IQGAP1: variants seen among roughly 807,000 people sequenced by gnomAD.
The protein encoded by IQGAP1 is ras GTPase-activating-like protein IQGAP1.
IQGAP1 carries 66 observed loss-of-function variants against 215.6 expected under a neutral mutation model. The observed-to-expected ratio is 0.31, with a 90% CI of 0.25 to 0.38. The LOEUF (loss-of-function observed/expected upper bound fraction) is 0.38, where lower values mean the gene tolerates loss of function less well. IQGAP1 is among the 10% of genes least tolerant of loss of function. IQGAP1 has a pLI of 1.00. For missense variants in IQGAP1, 1,712 were observed against 1,997.1 expected (o/e 0.86, Z 2.72); for synonymous variants, 772 against 728.7 (o/e 1.06, Z -0.96).
chr15:90,470,802 T>C (rs957193902), intron 18 of IQGAP1, among the ~76,000 whole-genome samples: 2 of 152,200 alleles, frequency 1.3e-5, no homozygotes, highest in African/African-American at 2.4e-5. Context: ...CTCATCATAT[T>C]TGACTTGTCA....
chr15:90,490,165 A>G (rs1462253103), intron 33 of IQGAP1, among the ~76,000 whole-genome samples: 2 of 152,242 alleles, frequency 1.3e-5, no homozygotes, highest in African/African-American at 2.4e-5. Flanking sequence ...AACAGCTCAG[A>G]ATATGGCACC....
intron 37 of IQGAP1, among the ~76,000 whole-genome samples, chr15:90,498,930 C>T (rs1966307811): frequency 6.6e-6 from 1 of 152,174 alleles, no homozygotes; most frequent in Non-Finnish European, 1.5e-5. Context: ...CTGCCTCAGC[C>T]TCCTGAGTAG....
At chr15:90,444,495 G>T (rs527471316) in intron 9 of IQGAP1, among the ~76,000 whole-genome samples, 2 of 152,084 alleles carry the variant, frequency 1.3e-5, no homozygotes, top group Non-Finnish European at 2.9e-5. Context: ...TGTTGCCCAG[G>T]TTGGTGTCAA....
chr15:90,418,378 G>A (rs770167295), intron 2 of IQGAP1, among the ~76,000 whole-genome samples: 9 of 152,106 alleles, frequency 5.9e-5, no homozygotes, highest in Non-Finnish European at 1.3e-4. Flanking sequence ...CTTGAGCCCA[G>A]GAGTTGGAGA....
chr15:90,392,639 A>G (rs1440045588), intron 2 of IQGAP1, among the ~76,000 whole-genome samples: 2 of 152,270 alleles, frequency 1.3e-5, no homozygotes, highest in Admixed American at 6.5e-5. Context: ...AAACACTACC[A>G]ATAACTAGTT....
At chr15:90,463,330 C>T (rs1046926977) in intron 15 of IQGAP1, among the ~76,000 whole-genome samples, 1 of 152,224 alleles carries the variant, frequency 6.6e-6, no homozygotes. Flanking sequence ...ACTTTGCTTA[C>T]AGCAGATTCT....
intron 2 of IQGAP1, among the ~76,000 whole-genome samples, chr15:90,402,504 C>A (rs769904148): frequency 6.6e-6 from 1 of 152,166 alleles, no homozygotes; most frequent in Non-Finnish European, 1.5e-5. Context: ...CAGCTGCCAG[C>A]CTAGGGCTTG....
intron 5 of IQGAP1, among the ~76,000 whole-genome samples, chr15:90,434,083 C>T (rs1006734285): frequency 2.6e-5 from 4 of 151,984 alleles, no homozygotes; most frequent in African/African-American, 7.3e-5. Context: ...ACTTGGGGTG[C>T]AGTCTCTTGT....
intron 2 of IQGAP1, among the ~76,000 whole-genome samples, chr15:90,414,801 C>T (rs1351316623): frequency 1.2e-4 from 19 of 152,126 alleles, no homozygotes; most frequent in Admixed American, 1.2e-3. Context: ...CAACTGCCTA[C>T]AAGATGCCAC....
At chr15:90,443,724 C>G (rs1292374052) in intron 9 of IQGAP1, among the ~76,000 whole-genome samples, 1 of 152,172 alleles carries the variant, frequency 6.6e-6, no homozygotes, top group Non-Finnish European at 1.5e-5. Context: ...TACAGTTTCA[C>G]TCTTTCACCC....
At chr15:90,462,245 G>A (rs150141407) in intron 15 of IQGAP1, among the ~76,000 whole-genome samples, 4 of 152,216 alleles carry the variant, frequency 2.6e-5, no homozygotes, top group African/African-American at 7.2e-5. Flanking sequence ...TTATATACAT[G>A]TAGCTAGTAA....
chr15:90,448,765 G>T, intron 10 of IQGAP1, 29 bp downstream of exon 10: 1 of 1,500,916 alleles, frequency 6.7e-7, no homozygotes, highest in South Asian at 1.3e-5. Context: ...GAAGCTGCAA[G>T]AGTTTGTATA....
At chr15:90,420,061 G>GT (rs1225878652) in intron 2 of IQGAP1, among the ~76,000 whole-genome samples, 2 of 152,068 alleles carry the variant, frequency 1.3e-5, no homozygotes, top group African/African-American at 4.8e-5. Flanking sequence ...TTATTATTCT[G>GT]TTTTTATGAC....
chr15:90,429,549 A>G lies in IQGAP1; in HGVS notation c.313-40A>G, dbSNP rs1302222487. The G allele has an allele frequency of 2.1e-6, 3 of 1,414,916 alleles. No homozygotes were observed. The African/African-American group carries it at 4.4e-5, about 21-fold the overall frequency. 87.6% of individuals were successfully genotyped at this position (1,414,916 alleles called of 1,614,324 possible). A position where few individuals can be genotyped will look rare whatever the true frequency, so the allele number is the denominator to read the frequency against. On this transcript the variant is annotated intron_variant, in intron 3 of 37. Coordinates refer to ENST00000268182, the MANE Select transcript of IQGAP1 (RefSeq NM_003870.4). ...AGAGTTTTTATTTAATATTTGCTTC[A>G]ATACAGCCAATAATACCTAATTTTC...
chr15:90,395,920 T>G (rs1178705091), intron 2 of IQGAP1, among the ~76,000 whole-genome samples: 1 of 152,212 alleles, frequency 6.6e-6, no homozygotes, highest in African/African-American at 2.4e-5. Flanking sequence ...ATTCCTGGTG[T>G]GCGCTTTCAA....
At chr15:90,482,435 G>A (rs958307384) in intron 28 of IQGAP1, among the ~76,000 whole-genome samples, 154 bp downstream of exon 28, 7 of 152,134 alleles carry the variant, frequency 4.6e-5, no homozygotes, top group Admixed American at 4.6e-4. Flanking sequence ...ATTGGTAAAT[G>A]GTACCTCTCT....
At chr15:90,409,772 A>G (rs997106553) in intron 2 of IQGAP1, among the ~76,000 whole-genome samples, 2 of 152,174 alleles carry the variant, frequency 1.3e-5, no homozygotes, top group African/African-American at 4.8e-5. Flanking sequence ...CCAACAGTGT[A>G]AAAGTGTTCC....
intron 9 of IQGAP1, among the ~76,000 whole-genome samples, chr15:90,444,406 C>G (rs751523492): frequency 5.3e-5 from 8 of 151,856 alleles, no homozygotes; most frequent in Non-Finnish European, 7.4e-5. Flanking sequence ...TTCAAATTCT[C>G]TAGTAGCTAG....
chr15:90,389,413 T>A (rs1964602763), intron 1 of IQGAP1, among the ~76,000 whole-genome samples: 1 of 148,572 alleles, frequency 6.7e-6, no homozygotes, highest in African/African-American at 2.5e-5. Context: ...TGGTGCAATC[T>A]CAGCTCACTG....
Sources: gnomAD v4.1 joint callset for allele counts (sites outside exome capture counted in the v4.1 genomes callset) on GRCh38, gnomAD v4.1.1 for gene constraint, MANE v1.5 for transcripts, NCBI Gene and HGNC (gene_info 2026-07-23, HGNC 2026-07-21) for gene names.